STK3: variants seen among roughly 807,000 people sequenced by gnomAD.
The protein encoded by STK3 is serine/threonine-protein kinase 3.
A neutral mutation model predicts 58.0 loss-of-function variants in STK3; 41 were observed. The observed-to-expected ratio is 0.71, with a 90% confidence interval of 0.55 to 0.92. The LOEUF (loss-of-function observed/expected upper bound fraction) is 0.92. Among genes scored for constraint, STK3 ranks in the 40% least tolerant of loss-of-function variants. The pLI, the probability that STK3 is intolerant of heterozygous loss-of-function variation, is 0.00. For missense variants in STK3, 479 were observed against 602.7 expected, an observed-to-expected ratio of 0.79 and a Z score of 2.15; for synonymous variants, 170 against 191.0, an observed-to-expected ratio of 0.89 and a Z score of 0.91.
chr8:98,426,909 C>A, intron 3 of STK3: 1 of 152,646 alleles, frequency 6.6e-6, no homozygotes, highest in South Asian at 1.9e-4. Flanking sequence ...GCGGCTGCGC[C>A]TTCCGAGCCC....
At chr8:98,743,414 C>A (rs1376871665) in intron 4 of STK3, among the ~76,000 whole-genome samples, 1 of 151,994 alleles carries the variant, frequency 6.6e-6, no homozygotes, top group Non-Finnish European at 1.5e-5. Flanking sequence ...AGAACAGAGC[C>A]CTCAGAAATA....
chr8:98,412,411 T>C (rs1586552166), intron 3 of STK3, among the ~76,000 whole-genome samples: 1 of 152,210 alleles, frequency 6.6e-6, no homozygotes, highest in South Asian at 2.1e-4. Flanking sequence ...CTAACACAGC[T>C]CAAAGCCTTT....
At chr8:98,836,718 A>G (rs1308922316) in intron 3 of STK3, among the ~76,000 whole-genome samples, 1 of 152,190 alleles carries the variant, frequency 6.6e-6, no homozygotes, top group Non-Finnish European at 1.5e-5. Flanking sequence ...AGGCCCCACT[A>G]TAAACTCAGA....
At chr8:98,746,747 T>C (rs1315971129) in intron 4 of STK3, among the ~76,000 whole-genome samples, 2 of 152,170 alleles carry the variant, frequency 1.3e-5, no homozygotes, top group Non-Finnish European at 2.9e-5. Context: ...TGTTCAGAAG[T>C]GAAGTGAGGG....
Position 98,778,296 on chromosome 8 carries a change from C to T in STK3, c.27-3477G>A, listed in dbSNP as rs568845016. On this transcript the variant is annotated intron_variant, in intron 1 of 10. Coordinates refer to ENST00000419617, the MANE Select transcript of STK3 (RefSeq NM_006281.4). ...ATGAAAACATGCTCATCATCACTGA[C>T]CATCAGAGAAATGCAAATCAAAACC... is the stretch of plus-strand genomic sequence containing the variant. Among the ~76,000 whole-genome samples, 17 of 152,326 alleles carry T rather than the reference C, an allele frequency of 1.1e-4. 1 individual carries two copies. In the South Asian group the frequency reaches 3.5e-3, roughly 32 times the overall value.
At chr8:98,606,002 C>T (rs1052092120) in intron 6 of STK3, among the ~76,000 whole-genome samples, 4 of 152,084 alleles carry the variant, frequency 2.6e-5, no homozygotes, top group Non-Finnish European at 5.9e-5. Context: ...CTGAGGCAGT[C>T]GGATCACCTG....
At chr8:98,941,721 C>G (rs1218477255) in intron 1 of STK3, among the ~76,000 whole-genome samples, 2 of 152,182 alleles carry the variant, frequency 1.3e-5, no homozygotes, top group Non-Finnish European at 2.9e-5. Flanking sequence ...TCCTCCTCCG[C>G]GTTTCCTGTC....
chr8:98,573,962 A>T (rs1451581760), intron 8 of STK3, among the ~76,000 whole-genome samples: 1 of 152,086 alleles, frequency 6.6e-6, no homozygotes. Context: ...TAAAACCATC[A>T]GACCTCATGA....
chr8:98,646,183 C>T (rs1002636066), intron 6 of STK3, among the ~76,000 whole-genome samples: 3 of 152,332 alleles, frequency 2.0e-5, no homozygotes, highest in East Asian at 1.9e-4. Flanking sequence ...AATGCTACCA[C>T]TGTAATGAAC....
At chr8:98,872,776 T>C (rs1000464680) in intron 3 of STK3, among the ~76,000 whole-genome samples, 3 of 152,154 alleles carry the variant, frequency 2.0e-5, no homozygotes, top group African/African-American at 7.2e-5. Flanking sequence ...TTTGTTGATC[T>C]TTTCAAAAAA....
In STK3 at chr8:98,614,482, C is replaced by T. The variant is rs986673135; in HGVS notation, c.685-18313G>A. 2.3e-4 allele frequency among the ~76,000 whole-genome samples: 35 copies of T among 152,238 alleles called. 1 individual carries two copies. Among genetic ancestry groups the T allele is most frequent in the Middle Eastern group, 6.8e-3 (2 of 294 alleles). ...CAAGATGGCCGAATAGGAACAGCTCCGGTCTACAGCTCCCAGCGAGAGCGA... is the reference window on the plus strand; with the variant it reads ...CAAGATGGCCGAATAGGAACAGCTCTGGTCTACAGCTCCCAGCGAGAGCGA... On this transcript the variant is annotated intron_variant, in intron 6 of 10. Coordinates refer to ENST00000419617, the MANE Select transcript of STK3 (RefSeq NM_006281.4).
chr8:98,349,003 A>G, the STK3 span, among the ~76,000 whole-genome samples: 2 of 152,256 alleles, frequency 1.3e-5, no homozygotes, highest in Non-Finnish European at 2.9e-5. Context: ...GGAAGCAACC[A>G]TGATGTCCTT....
At chr8:98,929,086 T>C (rs2132032443) in intron 1 of STK3, among the ~76,000 whole-genome samples, 1 of 151,838 alleles carries the variant, frequency 6.6e-6, no homozygotes, top group Admixed American at 6.6e-5. Context: ...GCCAACATGG[T>C]GAAACCCCGT....
At chr8:98,801,162 G>A (rs192248234) in intron 1 of STK3, among the ~76,000 whole-genome samples, 1 of 150,682 alleles carries the variant, frequency 6.6e-6, no homozygotes, top group Non-Finnish European at 1.5e-5. Flanking sequence ...CCAGCACTCT[G>A]TGTCTAGCTA....
chr8:98,604,672 C>T (rs1352614150), intron 6 of STK3, among the ~76,000 whole-genome samples: 1 of 152,182 alleles, frequency 6.6e-6, no homozygotes, highest in East Asian at 1.9e-4. Context: ...CTGTTGCCTT[C>T]CTTTTAGTTA....
At chr8:98,544,844 T>C (rs1233288845) in intron 9 of STK3, among the ~76,000 whole-genome samples, 1 of 152,018 alleles carries the variant, frequency 6.6e-6, no homozygotes, top group Admixed American at 6.6e-5. Context: ...GATACACACA[T>C]GAAAAATAAA....
intron 1 of STK3, among the ~76,000 whole-genome samples, chr8:98,445,107 C>T (rs887689225): frequency 3.3e-5 from 5 of 152,078 alleles, no homozygotes; most frequent in African/African-American, 1.2e-4. Context: ...TTTTTTAAAG[C>T]GTACAGTTCC....
intron 1 of STK3, among the ~76,000 whole-genome samples, chr8:98,941,085 C>G (rs528367291): frequency 7.9e-5 from 12 of 152,334 alleles, no homozygotes; most frequent in Non-Finnish European, 1.6e-4. Context: ...TGGCCGCCCC[C>G]TCAGCCCGCG....
At chr8:98,404,943 A>C (rs1817979304) in intron 3 of STK3, among the ~76,000 whole-genome samples, 1 of 152,208 alleles carries the variant, frequency 6.6e-6, no homozygotes, top group Non-Finnish European at 1.5e-5. Flanking sequence ...TAGGGTTGAG[A>C]GAGTCAATCA....
Sources: allele counts gnomAD v4.1 joint callset (sites outside exome capture counted in the v4.1 genomes callset), GRCh38; gene constraint gnomAD v4.1.1; transcripts MANE v1.5; gene names NCBI Gene and HGNC (gene_info 2026-07-23, HGNC 2026-07-21).